The following NR1I2 variants were observed in gnomAD, a reference collection of about 807,000 sequenced individuals.
The protein encoded by NR1I2 is nuclear receptor subfamily 1 group I member 2.
In NR1I2, 42 loss-of-function variants were observed where a neutral mutation model predicts 43.3. The ratio of observed to expected loss-of-function variants is 0.97; its 90% CI spans 0.76 to 1.26. NR1I2 has a LOEUF of 1.26. Among genes scored for constraint, NR1I2 ranks in the 50% most tolerant of loss-of-function variants. NR1I2 has a pLI of 0.00. For synonymous variants in NR1I2, 229 were observed against 215.0 expected, an observed-to-expected ratio of 1.06 and a Z score of -0.57; for missense variants, 559 against 566.7, an observed-to-expected ratio of 0.99 and a Z score of 0.14.
intron 1 of NR1I2, among the ~76,000 whole-genome samples, chr3:119,793,902 ATGT>A (rs1475816133): frequency 6.6e-6 from 1 of 152,128 alleles, no homozygotes; most frequent in Non-Finnish European, 1.5e-5. Context: ...GAATTCTGTG[ATGT>A]TGTTACTTGT....
chr3:119,807,939 G>GCCACATGTGGGAC (rs2055184846), intron 2 of NR1I2, among the ~76,000 whole-genome samples: 1 of 152,208 alleles, frequency 6.6e-6, no homozygotes, highest in South Asian at 2.1e-4. Flanking sequence ...CATCTCGGGA[G>GCCACATGTGGGAC]CCACATGTGG....
At chr3:119,782,832 G>A (rs766770847) in intron 1 of NR1I2, 23 of 1,614,068 alleles carry the variant, frequency 1.4e-5, no homozygotes, top group Middle Eastern at 3.3e-4. Context: ...ACAGTGCTGC[G>A]GCTGAGTTGG....
rs745679834 is a variant in NR1I2, at chr3:119,817,259, C to A, written c.*47C>A. On this transcript the variant is annotated 3_prime_UTR_variant, in exon 9 of 9. Coordinates refer to ENST00000393716, the MANE Select transcript of NR1I2 (RefSeq NM_003889.4). Reference sequence around the variant, plus strand: ...CTCCGAGAGGCAGCCAGACCCAGAGCCCTCTGAGCCGCCACTCCCGGGCCA... The same window carrying A: ...CTCCGAGAGGCAGCCAGACCCAGAGACCTCTGAGCCGCCACTCCCGGGCCA... 9 of 1,608,760 alleles carry A rather than the reference C, an allele frequency of 5.6e-6. No homozygotes were observed. Among genetic ancestry groups the A allele is most frequent in the South Asian group, 4.4e-5 (4 of 91,040 alleles).
Position 119,807,328 on chromosome 3 carries a change from G to A in NR1I2, c.78G>A (p.Lys26=), listed in dbSNP as rs1183550879. ...AGGACACAGAGTCTGTTCCTGGAAA[G>A]CCCAGTGTCAACGCAGATGAGGAAG... is the stretch of plus-strand genomic sequence containing the variant. Residue 26 remains lysine, a synonymous_variant, in exon 2 of 9, where the codon AAG becomes AAA. Coordinates refer to ENST00000393716, the MANE Select transcript of NR1I2 (RefSeq NM_003889.4). The A allele has an allele frequency of 3.1e-6, 5 of 1,614,126 alleles. No homozygotes were observed. Among genetic ancestry groups the A allele is most frequent in the Non-Finnish European group, 4.2e-6 (5 of 1,180,050 alleles).
At chr3:119,807,520 G>C in intron 2 of NR1I2, 73 bp downstream of exon 2, 1 of 1,371,802 alleles carries the variant, frequency 7.3e-7, no homozygotes, top group Non-Finnish European at 1.0e-6. Flanking sequence ...GCCTCAGCTT[G>C]ACCTGTCCCC....
chr3:119,810,295 T>C, intron 3 of NR1I2, 101 bp downstream of exon 3: 1 of 1,483,452 alleles, frequency 6.7e-7, no homozygotes, highest in South Asian at 1.3e-5. Flanking sequence ...GCGCGCCGAG[T>C]GTGCGCGTGA....
rs116582273 is a variant in NR1I2, at chr3:119,784,593, G to A, written c.-23+2293G>A. ...CCTCTTTCTGGATTTTACTCTTTGAGGCTGATTTTTAAAAGATTTCTCAAC... is the reference window on the plus strand; with the variant it reads ...CCTCTTTCTGGATTTTACTCTTTGAAGCTGATTTTTAAAAGATTTCTCAAC... On this transcript the variant is annotated intron_variant, in intron 1 of 8. Transcript: ENST00000393716. Among the ~76,000 whole-genome samples the A allele has an allele frequency of 9.3e-3, 1,409 of 152,142 alleles. 32 individuals are homozygous for A. The highest frequency in any genetic ancestry group is 0.032 in the African/African-American group (1,326 of 41,502).
At chr3:119,815,463 T>C in intron 7 of NR1I2, 24 bp downstream of exon 7, 1 of 1,573,404 alleles carries the variant, frequency 6.4e-7, no homozygotes, top group Admixed American at 1.7e-5. Flanking sequence ...CTAGGCTGCC[T>C]GACATCCCCC....
Position 119,807,464 on chromosome 3 carries a change from G to T in NR1I2, c.197+17G>T, listed in dbSNP as rs530875956. The T allele has an allele frequency of 6.2e-7, 1 of 1,608,592 alleles. No individual in the cohort carries two copies. Among genetic ancestry groups the T allele is most frequent in the African/African-American group, 1.3e-5 (1 of 74,916 alleles). On this transcript the variant is annotated intron_variant, in intron 2 of 8. Coordinates refer to ENST00000393716, the MANE Select transcript of NR1I2 (RefSeq NM_003889.4). The stretch of plus-strand genomic sequence containing the variant: ...CTTTTTCAGGTAGAGTTACCCATCA[G>T]CCTTCACCCACGTGCCACCACTGAC...
intron 5 of NR1I2, among the ~76,000 whole-genome samples, chr3:119,813,889 A>G (rs887524478): frequency 6.6e-6 from 1 of 152,188 alleles, no homozygotes; most frequent in African/African-American, 2.4e-5. Context: ...TCTCAAGGCC[A>G]CCAATGTCGA....
chr3:119,803,819 G>A (rs555033356), intron 1 of NR1I2, among the ~76,000 whole-genome samples: 26 of 151,542 alleles, frequency 1.7e-4, no homozygotes, highest in African/African-American at 4.1e-4. Context: ...GTGCAGTAGC[G>A]TAATCTTGTC....
intron 1 of NR1I2, among the ~76,000 whole-genome samples, chr3:119,806,561 C>T (rs555569483): frequency 6.6e-6 from 1 of 152,314 alleles, no homozygotes; most frequent in East Asian, 1.9e-4. Flanking sequence ...CCCGGGATTA[C>T]AGGCATCAGC....
chr3:119,782,649 C>G lies in NR1I2; in HGVS notation c.-23+349C>G. 3 of 801,258 alleles carry G rather than the reference C, an allele frequency of 3.7e-6. No homozygotes were observed. In the South Asian group the frequency reaches 4.4e-5, roughly 12 times the overall value. The allele number at this position is 801,258 out of a possible 1,614,324, so 49.6% of individuals were successfully genotyped here. On this transcript the variant is annotated intron_variant, in intron 1 of 8. Transcript: ENST00000393716. ...TCCCTGGACCCAGGAAATACCACCT[C>G]CAAGGACTGTGGGAGCTGGGGACTA...
At chr3:119,785,904 T>C (rs1365144342) in intron 1 of NR1I2, among the ~76,000 whole-genome samples, 2 of 152,236 alleles carry the variant, frequency 1.3e-5, no homozygotes, top group Non-Finnish European at 2.9e-5. Context: ...CTAATGCTTC[T>C]CCAATAAGAT....
At chr3:119,810,338 G>A in intron 3 of NR1I2, 144 bp downstream of exon 3, 1 of 1,278,020 alleles carries the variant, frequency 7.8e-7, no homozygotes, top group Non-Finnish European at 1.1e-6. Flanking sequence ...GTGTCCGTGT[G>A]CAACAGGCAG....
rs573874396 is a variant in NR1I2 at position 119,788,182 on chromosome 3, T to G, written c.-23+5882T>G. Among the ~76,000 whole-genome samples, 4 of 152,278 alleles carry G rather than the reference T, an allele frequency of 2.6e-5. 1 individual carries two copies. In the South Asian group the frequency reaches 6.2e-4, roughly 24 times the overall value. ...AGGCTGGAGAGCAGTGGTATGATCA[T>G]GGCTCACTGCAGTCTCGAACTCCTG... On this transcript the variant is annotated intron_variant, in intron 1 of 8. Transcript: ENST00000393716.
chr3:119,788,433 T>A (rs2054874527), intron 1 of NR1I2, among the ~76,000 whole-genome samples: 1 of 151,468 alleles, frequency 6.6e-6, no homozygotes, highest in Admixed American at 6.6e-5. Context: ...TATACAAATT[T>A]ATTTATTTAT....
At chr3:119,794,602 G>A (rs577888571) in intron 1 of NR1I2, among the ~76,000 whole-genome samples, 1 of 151,780 alleles carries the variant, frequency 6.6e-6, no homozygotes, top group East Asian at 1.9e-4. Context: ...TGACATTAGA[G>A]GCATGAGCCC....
At chr3:119,816,335 C>T (rs2107979939) in intron 8 of NR1I2, among the ~76,000 whole-genome samples, 1 of 152,252 alleles carries the variant, frequency 6.6e-6, no homozygotes, top group Non-Finnish European at 1.5e-5. Context: ...GATACTGAGG[C>T]ATATGGTACA....
Sources: gnomAD v4.1 joint callset for allele counts (sites outside exome capture counted in the v4.1 genomes callset) on GRCh38, gnomAD v4.1.1 for gene constraint, MANE v1.5 for transcripts, NCBI Gene and HGNC (gene_info 2026-07-23, HGNC 2026-07-21) for gene names.